Variants in QRICH2 observed in about 807,000 individuals in gnomAD.
The protein encoded by QRICH2 is glutamine rich 2.
A neutral mutation model predicts 168.3 loss-of-function variants in QRICH2; 119 were observed. That is an observed-to-expected ratio of 0.71 (90% CI 0.61 to 0.82). The LOEUF (loss-of-function observed/expected upper bound fraction) is 0.82, where lower values mean the gene tolerates loss of function less well. Among genes scored for constraint, QRICH2 ranks in the 40% least tolerant of loss-of-function variants. The pLI is 0.00. For synonymous variants in QRICH2, 894 were observed against 951.2 expected, an observed-to-expected ratio of 0.94 and a Z score of 1.11; for missense variants, 2,241 against 2,491.6, an observed-to-expected ratio of 0.90 and a Z score of 2.14.
chr17:76,277,582 ATGCACACACACATACT>A (rs1469612067), intron 15 of QRICH2, among the ~76,000 whole-genome samples: 1 of 151,852 alleles, frequency 6.6e-6, no homozygotes, highest in African/African-American at 2.4e-5. Flanking sequence ...ACACACATAC[ATGCACACACACATACT>A]TATGCACATA....
At chr17:76,276,959 C>T (rs992136201) in intron 16 of QRICH2, among the ~76,000 whole-genome samples, 192 bp from the exon 17 acceptor site, 16 of 152,276 alleles carry the variant, frequency 1.1e-4, no homozygotes, top group Admixed American at 2.0e-4. Flanking sequence ...CCTGGGAGGC[C>T]GGAATGCTGC....
At position 76,277,342 on chromosome 17, in the gene QRICH2, G is replaced by A. The variant is rs1176099439; in HGVS notation, c.5118-32C>T. 3 of 1,602,362 alleles carry A rather than the reference G, an allele frequency of 1.9e-6. No individual in the cohort carries two copies. In the African/African-American group the frequency reaches 4.1e-5, roughly 22 times the overall value. ...TGAAGACAGGATGGAGTCATTGGGA[G>A]CAGACCACCAGGGATGTCACCTGGG... On this transcript the variant is annotated intron_variant, in intron 15 of 18. Transcript: ENST00000680821.
chr17:76,301,819 C>T (rs1386783820), intron 3 of QRICH2, among the ~76,000 whole-genome samples: 1 of 149,990 alleles, frequency 6.7e-6, no homozygotes. Flanking sequence ...TCTCCTGCTT[C>T]AGCCTCCCAA....
chr17:76,276,845 C>A, intron 16 of QRICH2, 78 bp from the exon 17 acceptor site: 1 of 1,157,238 alleles, frequency 8.6e-7, no homozygotes, highest in Non-Finnish European at 1.3e-6. Context: ...GACTGAGGCA[C>A]AGAGCACTGT....
intron 3 of QRICH2, among the ~76,000 whole-genome samples, chr17:76,299,822 A>T (rs1423328093): frequency 6.6e-6 from 1 of 152,024 alleles, no homozygotes; most frequent in Non-Finnish European, 1.5e-5. Context: ...TCACTTTTTT[A>T]AAGCCAAACC....
At chr17:76,277,910 T>C (rs1055593483) in intron 15 of QRICH2, 79 bp downstream of exon 15, 21 of 1,491,532 alleles carry the variant, frequency 1.4e-5, no homozygotes, top group Non-Finnish European at 1.9e-5. Flanking sequence ...GGCAAGGCAT[T>C]TGCACAGCCG....
chr17:76,291,835 T>A lies in QRICH2; in HGVS notation c.2892A>T (p.Pro964=). Residue 964 remains proline (P), a synonymous_variant, in exon 4 of 19, where the codon CCA becomes CCT. Coordinates refer to ENST00000680821, the MANE Select transcript of QRICH2 (RefSeq NM_001388453.1). ...GTCTCAAACCATACTGATCCATTCC[T>A]GGCTGCACCAGACCACGTGGATATG... ...SGTYPRGLVQ[P]GMDQYGLRQP... The A allele has an allele frequency of 6.2e-7, 1 of 1,613,910 alleles. No individual in the cohort carries two copies. Among genetic ancestry groups the A allele is most frequent in the Non-Finnish European group, 8.5e-7 (1 of 1,179,956 alleles).
upstream of QRICH2, chr17:76,310,283 C>G (rs1374553271): frequency 6.8e-6 from 1 of 147,708 alleles, no homozygotes; most frequent in African/African-American, 2.6e-5. Flanking sequence ...AGGCGTGAGC[C>G]ATGATGCCTG....
rs564035819 is a variant in QRICH2, at chr17:76,304,929, G to A, written c.547C>T (p.Arg183Trp). ...AATAGCTTCTCTAGTTCATCAACCC[G>A]CTGTAAAAGTACCTGGAAGAAGAGT... ...ELSFARVLLQ[R>W]VDELEKLFKD... The change falls in exon 2 of 19, where the codon CGG (arginine) becomes TGG (tryptophan). Residue 183 changes from arginine to tryptophan, a missense_variant. Physicochemically the swap from Arg to Trp is moderately radical, Grantham distance 101. Transcript: ENST00000680821. The A allele has an allele frequency of 1.4e-5, 23 of 1,612,778 alleles. No individual in the cohort carries two copies. Among genetic ancestry groups the A allele is most frequent in the African/African-American group, 4.0e-5 (3 of 74,920 alleles).
rs2279053 is a variant in QRICH2 at position 76,291,308 on chromosome 17, T to C, written c.3419A>G (p.His1140Arg). The change falls in exon 4 of 19, where the codon CAT becomes CGT. Residue 1140 changes from histidine (H) to arginine (R), a missense_variant. Physicochemically the swap from His to Arg is conservative, Grantham distance 29. This residue lies in a region of QRICH2 where 2,047 missense variants were observed against 2,303.8 expected (regional missense o/e 0.89). Transcript: ENST00000680821. ...TGGGGCCTTCTGGGCAGGAATTCCA[T>C]GTCGGTCCGAGGCTCGTGTTCTATT... ...DPNRTRASDR[H>R]GIPAQKAPGQ... The C allele has an allele frequency of 0.32, 514,672 of 1,613,880 alleles. 89,781 individuals carry two copies. Among genetic ancestry groups the C allele is most frequent in the African/African-American group, 0.66 (49,590 of 74,952 alleles).
intron 7 of QRICH2, among the ~76,000 whole-genome samples, chr17:76,283,592 G>A (rs1002054114): frequency 1.2e-4 from 18 of 152,092 alleles, no homozygotes; most frequent in East Asian, 9.6e-4. Flanking sequence ...AGCACAAAGC[G>A]GGCCAGGCAC....
intron 6 of QRICH2, 77 bp downstream of exon 6, chr17:76,287,723 C>G: frequency 1.9e-6 from 2 of 1,030,178 alleles, no homozygotes; most frequent in Non-Finnish European, 3.1e-6. Context: ...CATAAGGGAG[C>G]CACTGGCCGC....
chr17:76,303,872 C>CAAAAAA (rs67296304), intron 3 of QRICH2, among the ~76,000 whole-genome samples: 2 of 71,674 alleles, frequency 2.8e-5, no homozygotes, highest in African/African-American at 1.1e-4. Context: ...AACTCTGTCT[C>CAAAAAA]AAAAAAAAAA....
rs367632279 is a variant in QRICH2 at position 76,292,995 on chromosome 17, G to A, written c.1732C>T (p.Arg578Cys). 20 of 1,614,068 alleles carry A rather than the reference G, an allele frequency of 1.2e-5. No individual in the cohort carries two copies. The highest frequency in any genetic ancestry group is 5.5e-5 in the South Asian group (5 of 91,084). Residue 578 changes from arginine to cysteine, a missense_variant, in exon 4 of 19, where the codon CGT becomes TGT. Physicochemically the swap from Arg to Cys is radical, Grantham distance 180 (BLOSUM62 -3). Transcript: ENST00000680821. ...HDLIQSGRFQ[R>C]ALVQRGAYQP... Reference sequence around the variant, plus strand: ...TATGCACCACGCTGCACCAAAGCACGCTGAAATCTGCCAGACTGGATCAAA... The same window carrying A: ...TATGCACCACGCTGCACCAAAGCACACTGAAATCTGCCAGACTGGATCAAA...
Position 76,290,057 on chromosome 17 carries a change from C to G in QRICH2, c.3733G>C (p.Glu1245Gln). 6.2e-7 allele frequency: 1 copy of G among 1,612,022 alleles called. No homozygotes were observed. Among genetic ancestry groups the G allele is most frequent in the Non-Finnish European group, 8.5e-7 (1 of 1,178,844 alleles). Residue 1245 changes from glutamate (E) to glutamine (Q), a missense_variant, in exon 5 of 19, where the codon GAA (glutamate) becomes CAA (glutamine). Around this residue, in one of 3 missense-constraint regions of QRICH2, gnomAD observed 2,047 missense variants for 2,303.8 expected, o/e 0.89. Transcript: ENST00000680821. ...AQMVKRTIPP[E>Q]LQEQLKTVKT... The stretch of plus-strand genomic sequence containing the variant: ...ACGGTCTTCAGCTGCTCCTGCAGTT[C>G]AGGAGGTATGGTCCTTTTGACTATG...
At position 76,302,888 on chromosome 17, in the gene QRICH2, G is replaced by A. The variant is rs2070928534; in HGVS notation, c.705+1527C>T. On this transcript the variant is annotated intron_variant, in intron 3 of 18. Transcript: ENST00000680821. ...TAGTCTTTCCAGTTTACCTACTTTTGTTTTTTTTTTTGAGATGGAGTTCTT... is the reference window on the plus strand; with the variant it reads ...TAGTCTTTCCAGTTTACCTACTTTTATTTTTTTTTTTGAGATGGAGTTCTT... Among the ~76,000 whole-genome samples, 3 of 145,056 alleles carry A rather than the reference G, an allele frequency of 2.1e-5. No homozygotes were observed. In the Admixed American group the frequency reaches 2.1e-4, roughly 10 times the overall value.
intron 3 of QRICH2, among the ~76,000 whole-genome samples, chr17:76,300,013 G>A (rs2070871557): frequency 6.6e-6 from 1 of 151,882 alleles, no homozygotes; most frequent in Admixed American, 6.6e-5. Context: ...TGTATTTTTA[G>A]TAGAGACGGG....
chr17:76,306,420 C>T (rs1310669275), intron 1 of QRICH2, among the ~76,000 whole-genome samples: 3 of 152,152 alleles, frequency 2.0e-5, no homozygotes, highest in African/African-American at 7.2e-5. Context: ...GGCCTCCCCA[C>T]CCAGCTGCCT....
At position 76,284,168 on chromosome 17, in the gene QRICH2, C is replaced by CAAAAAAAAAAA. The variant is rs61553346; in HGVS notation, c.4012-2064_4012-2054dup. 6.1e-4 allele frequency among the ~76,000 whole-genome samples: 38 copies of CAAAAAAAAAAA among 62,742 alleles called. 1 individual carries two copies. The highest frequency in any genetic ancestry group is 2.9e-3 in the African/African-American group (27 of 9,186). The allele number at this position is 62,742 out of a possible 152,430, so 41.2% of individuals were successfully genotyped here. A position where few individuals can be genotyped will look rare whatever the true frequency, so the allele number is the denominator to read the frequency against. Reference sequence around the variant, plus strand: ...GGGCAACAGAGCAAAACTCTGTCTCCAAAAAAAAAAAAAAAAAAAAAAAAA... The same window carrying CAAAAAAAAAAA: ...GGGCAACAGAGCAAAACTCTGTCTCCAAAAAAAAAAAAAAAAAAAAAAAAAAAAAAAAAAAA... On this transcript the variant is annotated intron_variant, in intron 7 of 18. Transcript: ENST00000680821.
Sources: allele counts gnomAD v4.1 joint callset (sites outside exome capture counted in the v4.1 genomes callset), GRCh38; gene constraint gnomAD v4.1.1; regional missense constraint gnomAD v4.1.1; transcripts MANE v1.5; gene names NCBI Gene and HGNC (gene_info 2026-07-23, HGNC 2026-07-21).